Variants in LGSN observed in about 807,000 individuals in gnomAD.
LGSN encodes the protein lengsin, lens protein with glutamine synthetase domain, also known as lengsin.
In LGSN, 21 loss-of-function variants were observed where a neutral mutation model predicts 19.5. The ratio of observed to expected loss-of-function variants is 1.07; its 90% confidence interval spans 0.76 to 1.55. The LOEUF (loss-of-function observed/expected upper bound fraction) is 1.55, where lower values mean the gene tolerates loss of function less well. Among genes scored for constraint, LGSN ranks in the 40% most tolerant of loss-of-function variants. LGSN has a pLI of 0.00. For missense variants in LGSN, 673 were observed against 608.5 expected (o/e 1.11, Z -1.12); for synonymous variants, 257 against 215.6 (o/e 1.19, Z -1.68).
chr6:63,405,147 G>A, the LGSN span, among the ~76,000 whole-genome samples: 4 of 150,938 alleles, frequency 2.7e-5, no homozygotes, highest in African/African-American at 7.3e-5. Flanking sequence ...ATCATTTTTT[G>A]TGGCTGCATA....
At chr6:63,318,961 T>C (rs1192213819) in intron 1 of LGSN, among the ~76,000 whole-genome samples, 1 of 152,212 alleles carries the variant, frequency 6.6e-6, no homozygotes, top group Non-Finnish European at 1.5e-5. Context: ...CATAAACATG[T>C]CCACCATTTG....
the LGSN span, among the ~76,000 whole-genome samples, chr6:63,373,111 G>A: frequency 6.6e-6 from 1 of 152,128 alleles, no homozygotes; most frequent in Non-Finnish European, 1.5e-5. Context: ...TGTAAAGCTG[G>A]CTGACATCCC....
At chr6:63,474,765 TA>T in the LGSN span, among the ~76,000 whole-genome samples, 2 of 139,392 alleles carry the variant, frequency 1.4e-5, no homozygotes, top group African/African-American at 2.7e-5. Flanking sequence ...CTACTAAAGA[TA>T]AAAAAAATTA....
chr6:63,473,367 G>A, the LGSN span, among the ~76,000 whole-genome samples: 19 of 149,750 alleles, frequency 1.3e-4, no homozygotes, highest in Non-Finnish European at 2.4e-4. Context: ...CCAGCTACTA[G>A]GGATGCTGAG....
chr6:63,383,883 A>C, the LGSN span, among the ~76,000 whole-genome samples: 3 of 152,210 alleles, frequency 2.0e-5, no homozygotes, highest in Non-Finnish European at 4.4e-5. Flanking sequence ...AATTTGTAGA[A>C]CTATTTATTG....
intron 1 of LGSN, among the ~76,000 whole-genome samples, chr6:63,313,522 A>G (rs1341656694): frequency 6.6e-6 from 1 of 152,166 alleles, no homozygotes; most frequent in Non-Finnish European, 1.5e-5. Flanking sequence ...TTTTAGGTAG[A>G]GAAGACTTGC....
At chr6:63,421,282 C>T in the LGSN span, among the ~76,000 whole-genome samples, 4 of 151,946 alleles carry the variant, frequency 2.6e-5, no homozygotes, top group African/African-American at 9.7e-5. Context: ...ATTAGCCAGG[C>T]GTGATGGCAC....
chr6:63,315,646 G>T (rs911427844), intron 1 of LGSN, among the ~76,000 whole-genome samples: 1 of 150,886 alleles, frequency 6.6e-6, no homozygotes, highest in Admixed American at 6.6e-5. Flanking sequence ...GTGTGTGTGT[G>T]TGTGTGTGTA....
At chr6:63,511,207 T>C in the LGSN span, among the ~76,000 whole-genome samples, 1 of 151,390 alleles carries the variant, frequency 6.6e-6, no homozygotes, top group Non-Finnish European at 1.5e-5. Context: ...CAAATCCTGA[T>C]CCCTACTCTA....
At chr6:63,565,766 T>C in the LGSN span, among the ~76,000 whole-genome samples, 17 of 152,358 alleles carry the variant, frequency 1.1e-4, no homozygotes, top group East Asian at 3.3e-3. Flanking sequence ...GAAATTAGGA[T>C]GTAGCTCTGC....
chr6:63,425,688 T>A, the LGSN span, among the ~76,000 whole-genome samples: 1 of 152,080 alleles, frequency 6.6e-6, no homozygotes, highest in South Asian at 2.1e-4. Context: ...AGAAATATAC[T>A]GGATCTTGGT....
the LGSN span, among the ~76,000 whole-genome samples, chr6:63,418,890 C>G: frequency 6.6e-6 from 1 of 151,124 alleles, no homozygotes; most frequent in Non-Finnish European, 1.5e-5. Context: ...CCCCACCGTG[C>G]CAGCAAAGAA....
At chr6:63,303,197 G>A (rs1768257348) in intron 1 of LGSN, among the ~76,000 whole-genome samples, 1 of 152,032 alleles carries the variant, frequency 6.6e-6, no homozygotes, top group African/African-American at 2.4e-5. Flanking sequence ...AAAACTTCAG[G>A]TACATTTTTG....
the LGSN span, among the ~76,000 whole-genome samples, chr6:63,526,131 C>T: frequency 8.7e-3 from 1,327 of 151,916 alleles, 23 homozygotes; most frequent in African/African-American, 0.03. Context: ...TCAAGACCAG[C>T]CTGGCCAACA....
At chr6:63,383,517 G>T in the LGSN span, among the ~76,000 whole-genome samples, 3 of 151,668 alleles carry the variant, frequency 2.0e-5, no homozygotes, top group South Asian at 6.2e-4. Flanking sequence ...TGAACAGGGC[G>T]TTTTTTTAAT....
the LGSN span, among the ~76,000 whole-genome samples, chr6:63,434,487 C>T: frequency 4.3e-5 from 6 of 138,458 alleles, no homozygotes; most frequent in Non-Finnish European, 9.4e-5. Context: ...GGCCAGGTGC[C>T]GTGGCTCACG....
the LGSN span, among the ~76,000 whole-genome samples, chr6:63,479,345 A>G: frequency 6.6e-6 from 1 of 152,156 alleles, no homozygotes; most frequent in Non-Finnish European, 1.5e-5. Context: ...CGATGAAAAT[A>G]TATCTAGTAA....
At chr6:63,352,344 A>G in the LGSN span, among the ~76,000 whole-genome samples, 1 of 152,104 alleles carries the variant, frequency 6.6e-6, no homozygotes, top group South Asian at 2.1e-4. Flanking sequence ...TATCACAAGG[A>G]CTCCACTAAG....
At chr6:63,517,990 TAA>T in the LGSN span, among the ~76,000 whole-genome samples, 1 of 151,882 alleles carries the variant, frequency 6.6e-6, no homozygotes. Context: ...CCATCTCTAC[TAA>T]AAATACAAAA....
Sources: allele counts gnomAD v4.1 joint callset (sites outside exome capture counted in the v4.1 genomes callset), GRCh38; gene constraint gnomAD v4.1.1; transcripts MANE v1.5; gene names NCBI Gene and HGNC (gene_info 2026-07-23, HGNC 2026-07-21).